CNTN5: variants seen among roughly 807,000 people sequenced by gnomAD.
CNTN5 encodes contactin 5.
CNTN5 carries 77 observed loss-of-function variants against 129.1 expected under a neutral mutation model. The observed-to-expected ratio is 0.60, with a 90% CI of 0.50 to 0.72. CNTN5 has a LOEUF of 0.72. Among genes scored for constraint, CNTN5 ranks in the 30% least tolerant of loss-of-function variants. The probability of loss-of-function intolerance (pLI) is 0.00; values close to 1 mark genes in which losing one functional copy is unlikely to be tolerated. For missense variants in CNTN5, 1,478 were observed against 1,328.8 expected (o/e 1.11, Z -1.75); for synonymous variants, 509 against 465.6 (o/e 1.09, Z -1.20).
chr11:99,819,914 A>C (rs915642221), intron 4 of CNTN5, 149 bp downstream of exon 4: 6 of 628,642 alleles, frequency 9.5e-6, no homozygotes, highest in Admixed American at 8.5e-5. Flanking sequence ...GAGTTTTTAA[A>C]GCTGGGGTGA....
intron 7 of CNTN5, among the ~76,000 whole-genome samples, chr11:99,933,660 T>G (rs553407581): frequency 6.6e-6 from 1 of 152,238 alleles, no homozygotes; most frequent in Non-Finnish European, 1.5e-5. Context: ...GTTAGTTGGG[T>G]TTTTCTTAAA....
chr11:99,835,219 G>A (rs188706771), intron 4 of CNTN5, among the ~76,000 whole-genome samples: 257 of 152,294 alleles, frequency 1.7e-3, no homozygotes, highest in African/African-American at 5.9e-3. Flanking sequence ...TGTTCAAAAA[G>A]GGTATGAAGA....
chr11:100,302,849 AAATT>A (rs1951258150), intron 20 of CNTN5, among the ~76,000 whole-genome samples: 2 of 151,750 alleles, frequency 1.3e-5, no homozygotes, highest in South Asian at 2.1e-4. Context: ...AATGCAAATA[AAATT>A]AATTATTTTA....
At chr11:99,797,147 C>T (rs1221572121) in intron 3 of CNTN5, among the ~76,000 whole-genome samples, 7 of 152,064 alleles carry the variant, frequency 4.6e-5, no homozygotes, top group South Asian at 2.1e-4. Flanking sequence ...TAATGCAATC[C>T]ACCATCGATG....
rs200408758 is a variant in CNTN5, at chr11:99,131,184, C to G, written c.-210+109914C>G. Among the ~76,000 whole-genome samples the G allele has an allele frequency of 5.0e-4, 65 of 130,634 alleles. 1 individual carries two copies. The East Asian group carries it at 0.015, about 30-fold the overall frequency. The allele number at this position is 130,634 out of a possible 152,430, so 85.7% of individuals were successfully genotyped here. A position where few individuals can be genotyped will look rare whatever the true frequency, so the allele number is the denominator to read the frequency against. ...AATGGTGTGAACCTGGGAGGCGGAGCTTGCAGTGAGCTGAGATTGCACCAC... is the reference window on the plus strand; with the variant it reads ...AATGGTGTGAACCTGGGAGGCGGAGGTTGCAGTGAGCTGAGATTGCACCAC... On this transcript the variant is annotated intron_variant, in intron 1 of 24. Transcript: ENST00000524871.
At chr11:100,138,715 A>G (rs1343351823) in intron 13 of CNTN5, among the ~76,000 whole-genome samples, 1 of 152,126 alleles carries the variant, frequency 6.6e-6, no homozygotes, top group South Asian at 2.1e-4. Context: ...TGAGTGATAT[A>G]GAAGCCTTTC....
At chr11:99,782,717 A>G (rs1280109861) in intron 3 of CNTN5, among the ~76,000 whole-genome samples, 1 of 152,082 alleles carries the variant, frequency 6.6e-6, no homozygotes, top group East Asian at 2.0e-4. Flanking sequence ...GAGAAAAACA[A>G]GCAATGGGGA....
chr11:99,136,245 C>T (rs1205887496), intron 1 of CNTN5, among the ~76,000 whole-genome samples: 1 of 152,100 alleles, frequency 6.6e-6, no homozygotes, highest in East Asian at 1.9e-4. Context: ...GAAAACCCTC[C>T]TCACCCTCAC....
intron 3 of CNTN5, among the ~76,000 whole-genome samples, chr11:99,734,339 C>T (rs898211947): frequency 2.0e-5 from 3 of 152,138 alleles, no homozygotes; most frequent in Non-Finnish European, 2.9e-5. Context: ...TTCATTCTAT[C>T]TAACTGTATT....
intron 7 of CNTN5, among the ~76,000 whole-genome samples, chr11:99,941,703 G>A (rs1565701825): frequency 6.6e-6 from 1 of 151,770 alleles, no homozygotes; most frequent in East Asian, 1.9e-4. Flanking sequence ...CCTAAAAGAA[G>A]TTAAGTAATG....
rs540894543 is a variant in CNTN5 at position 99,484,617 on chromosome 11, T to C, written c.-70-71528T>C. 5.3e-5 allele frequency among the ~76,000 whole-genome samples: 8 copies of C among 152,196 alleles called. No individual in the cohort carries two copies. In the East Asian group the frequency reaches 1.5e-3, roughly 29 times the overall value. ...GGTATTATTCACAACAACCCATTTATGTTCATTATTAGACAACCAAGGTGT... is the reference window on the plus strand; with the variant it reads ...GGTATTATTCACAACAACCCATTTACGTTCATTATTAGACAACCAAGGTGT... On this transcript the variant is annotated intron_variant, in intron 2 of 24. Coordinates refer to ENST00000524871, the MANE Select transcript of CNTN5 (RefSeq NM_014361.4).
rs117563486 is a variant in CNTN5, at chr11:99,586,686, T to G, written c.55+30417T>G. ...ATACTATACCCTATATCATAGTTGATTCTCCATTGTATAGTAGATGTCTCT... is the reference window on the plus strand; with the variant it reads ...ATACTATACCCTATATCATAGTTGAGTCTCCATTGTATAGTAGATGTCTCT... On this transcript the variant is annotated intron_variant, in intron 3 of 24. Transcript: ENST00000524871. Among the ~76,000 whole-genome samples, 1,265 of 152,360 alleles carry G rather than the reference T, an allele frequency of 8.3e-3. 10 individuals carry two copies. The highest frequency in any genetic ancestry group is 0.037 in the Middle Eastern group (11 of 294).
At chr11:100,165,631 A>G (rs936078326) in intron 13 of CNTN5, among the ~76,000 whole-genome samples, 1 of 151,812 alleles carries the variant, frequency 6.6e-6, no homozygotes, top group Non-Finnish European at 1.5e-5. Context: ...AAGTTTAAAC[A>G]TAGAAGTTGA....
chr11:99,427,750 A>G (rs1943191000), intron 2 of CNTN5, among the ~76,000 whole-genome samples: 1 of 139,632 alleles, frequency 7.2e-6, no homozygotes, highest in Non-Finnish European at 1.5e-5. Flanking sequence ...TGGGTGACAC[A>G]GCAAGACTCA....
intron 3 of CNTN5, among the ~76,000 whole-genome samples, chr11:99,767,575 G>A (rs1027136896): frequency 1.0e-4 from 15 of 150,726 alleles, no homozygotes; most frequent in African/African-American, 3.2e-4. Flanking sequence ...AGATTTTTTT[G>A]GAAAAGCTTC....
rs1295969800 is a variant in CNTN5, at chr11:99,579,613, AT to A, written c.55+23345del. On this transcript the variant is annotated intron_variant, in intron 3 of 24. Coordinates refer to ENST00000524871, the MANE Select transcript of CNTN5 (RefSeq NM_014361.4). ...AGCAATTGTGAATGGGAGTTCACTC[AT>A]GATTTGGCTCTCTGTTTGTCTGTTA... 2.1e-3 allele frequency among the ~76,000 whole-genome samples: 297 copies of A among 142,712 alleles called. 2 individuals are homozygous for A. The highest frequency in any genetic ancestry group is 7.2e-3 in the African/African-American group (273 of 37,722). 93.6% of individuals were successfully genotyped at this position (142,712 alleles called of 152,430 possible). A position where few individuals can be genotyped will look rare whatever the true frequency, so the allele number is the denominator to read the frequency against.
intron 3 of CNTN5, among the ~76,000 whole-genome samples, chr11:99,787,356 C>T (rs1343806398): frequency 2.0e-5 from 3 of 151,492 alleles, no homozygotes; most frequent in Non-Finnish European, 4.4e-5. Flanking sequence ...CAACTCTTAA[C>T]ATAAATGTTA....
intron 1 of CNTN5, among the ~76,000 whole-genome samples, chr11:99,225,513 A>C (rs7104104): frequency 0.1 from 15,263 of 152,112 alleles, 919 homozygotes; most frequent in East Asian, 0.28. Context: ...TAATCATTAC[A>C]TTCTATCATG....
intron 8 of CNTN5, among the ~76,000 whole-genome samples, chr11:99,993,562 C>A (rs1939260337): frequency 6.6e-6 from 1 of 152,130 alleles, no homozygotes; most frequent in Non-Finnish European, 1.5e-5. Context: ...TGCAGCCTAG[C>A]TCCCTTGCAT....
Sources: gnomAD v4.1 joint callset for allele counts (sites outside exome capture counted in the v4.1 genomes callset) on GRCh38, gnomAD v4.1.1 for gene constraint, MANE v1.5 for transcripts, NCBI Gene and HGNC (gene_info 2026-07-23, HGNC 2026-07-21) for gene names.